Variants in SPTLC3 observed in about 807,000 individuals in gnomAD.
The protein encoded by SPTLC3 is serine palmitoyltransferase 3.
A neutral mutation model predicts 59.3 loss-of-function variants in SPTLC3; 36 were observed. The observed-to-expected ratio is 0.61, with a 90% CI of 0.47 to 0.80. SPTLC3 has a LOEUF of 0.80. Ranked by LOEUF, SPTLC3 falls within the 30% of genes least tolerant of loss-of-function variation. The pLI, the probability that SPTLC3 is intolerant of heterozygous loss-of-function variation, is 0.00. For missense variants in SPTLC3, 625 were observed against 685.1 expected (o/e 0.91, Z 0.98); for synonymous variants, 257 against 240.8 (o/e 1.07, Z -0.62).
intron 5 of SPTLC3, 42 bp downstream of exon 5, chr20:13,091,249 T>C: frequency 5.6e-6 from 9 of 1,600,610 alleles, no homozygotes; most frequent in Non-Finnish European, 6.8e-6. Context: ...GTATTACTCC[T>C]AAGAACTGTA....
intron 9 of SPTLC3, among the ~76,000 whole-genome samples, chr20:13,128,906 C>T (rs1240991875): frequency 4.3e-5 from 6 of 141,060 alleles, no homozygotes; most frequent in Admixed American, 2.2e-4. Flanking sequence ...GACAGAGTTT[C>T]GCTCTTGTCA....
chr20:13,118,082 T>C (rs1990666334), intron 8 of SPTLC3, among the ~76,000 whole-genome samples: 1 of 152,092 alleles, frequency 6.6e-6, no homozygotes, highest in African/African-American at 2.4e-5. Context: ...GGGCCATATT[T>C]AACACACAGA....
chr20:13,014,104 T>C (rs1055478839), intron 1 of SPTLC3, among the ~76,000 whole-genome samples: 3 of 152,210 alleles, frequency 2.0e-5, no homozygotes, highest in African/African-American at 7.2e-5. Flanking sequence ...CTCTTTTATG[T>C]CCTAGGGACA....
At chr20:13,114,306 G>A (rs948547517) in intron 7 of SPTLC3, among the ~76,000 whole-genome samples, 9 of 152,178 alleles carry the variant, frequency 5.9e-5, no homozygotes, top group Non-Finnish European at 1.2e-4. Context: ...TTTTCATTAA[G>A]TATCATTTTA....
At chr20:13,118,251 C>T (rs1005004932) in intron 8 of SPTLC3, among the ~76,000 whole-genome samples, 1 of 151,890 alleles carries the variant, frequency 6.6e-6, no homozygotes, top group African/African-American at 2.4e-5. Flanking sequence ...TTAATCAAAA[C>T]GGTGGCAGGA....
At chr20:13,119,463 A>T (rs1423697427) in intron 8 of SPTLC3, among the ~76,000 whole-genome samples, 1 of 152,174 alleles carries the variant, frequency 6.6e-6, no homozygotes, top group Non-Finnish European at 1.5e-5. Context: ...CACAATTTCT[A>T]TTCATTTGGC....
chr20:13,153,662 T>TCCC, intron 9 of SPTLC3, among the ~76,000 whole-genome samples: 1 of 152,124 alleles, frequency 6.6e-6, no homozygotes, highest in Non-Finnish European at 1.5e-5. Context: ...CTTATCACAC[T>TCCC]CCCTTCTCTT....
chr20:13,012,049 A>C (rs1049259103), intron 1 of SPTLC3, among the ~76,000 whole-genome samples: 3 of 152,182 alleles, frequency 2.0e-5, no homozygotes, highest in African/African-American at 7.2e-5. Flanking sequence ...ACTATTATCC[A>C]CATAATTGCT....
chr20:13,161,496 G>A (rs1438332767), intron 11 of SPTLC3, among the ~76,000 whole-genome samples: 2 of 152,314 alleles, frequency 1.3e-5, no homozygotes, highest in East Asian at 3.9e-4. Context: ...CTCCTGGGGA[G>A]TGCCTACATT....
intron 9 of SPTLC3, among the ~76,000 whole-genome samples, chr20:13,148,398 C>T (rs930301766): frequency 2.6e-5 from 4 of 152,106 alleles, no homozygotes; most frequent in Admixed American, 2.0e-4. Context: ...GATAGGTACA[C>T]CCTTGATTTA....
intron 9 of SPTLC3, among the ~76,000 whole-genome samples, chr20:13,153,097 C>T (rs1057240581): frequency 1.3e-5 from 2 of 152,176 alleles, no homozygotes; most frequent in African/African-American, 4.8e-5. Context: ...AAACTTTGGG[C>T]TGATTTCTAG....
At chr20:13,071,048 G>T (rs542890148) in intron 2 of SPTLC3, among the ~76,000 whole-genome samples, 10 of 152,192 alleles carry the variant, frequency 6.6e-5, no homozygotes, top group African/African-American at 2.4e-4. Context: ...GTAATCCCAC[G>T]AATGTCCAAA....
intron 2 of SPTLC3, among the ~76,000 whole-genome samples, chr20:13,071,869 A>G (rs1372287889): frequency 5.3e-5 from 8 of 152,154 alleles, no homozygotes; most frequent in South Asian, 2.1e-4. Context: ...CCCACTTCTA[A>G]TCACACGGTG....
intron 6 of SPTLC3, among the ~76,000 whole-genome samples, chr20:13,102,327 A>G (rs2122655806): frequency 6.6e-6 from 1 of 152,298 alleles, no homozygotes; most frequent in Non-Finnish European, 1.5e-5. Flanking sequence ...AGCCATTTAC[A>G]TTCACCAACT....
intron 6 of SPTLC3, among the ~76,000 whole-genome samples, chr20:13,094,150 C>G (rs1168996358): frequency 6.6e-6 from 1 of 152,116 alleles, no homozygotes; most frequent in Admixed American, 6.5e-5. Flanking sequence ...TGGAAATTAT[C>G]AGGAAACACT....
intron 2 of SPTLC3, among the ~76,000 whole-genome samples, chr20:13,051,469 G>T (rs1229203347): frequency 6.6e-6 from 1 of 152,160 alleles, no homozygotes; most frequent in Non-Finnish European, 1.5e-5. Context: ...AAATGAGACA[G>T]ACAGCAACAC....
chr20:13,101,384 CT>C (rs1455777885), intron 6 of SPTLC3, among the ~76,000 whole-genome samples: 1 of 152,212 alleles, frequency 6.6e-6, no homozygotes, highest in African/African-American at 2.4e-5. Context: ...GCTATGGTCC[CT>C]TGTGTAAAAC....
chr20:13,144,419 G>A (rs1252107556), intron 9 of SPTLC3, among the ~76,000 whole-genome samples: 1 of 152,192 alleles, frequency 6.6e-6, no homozygotes, highest in Non-Finnish European at 1.5e-5. Context: ...AGAAATAGAT[G>A]TAGTAGCTAT....
At chr20:13,121,451 T>C (rs1312287997) in intron 8 of SPTLC3, among the ~76,000 whole-genome samples, 1 of 152,168 alleles carries the variant, frequency 6.6e-6, no homozygotes, top group Non-Finnish European at 1.5e-5. Flanking sequence ...AGATGTTTAT[T>C]CTAAGAGTCT....
Sources: allele counts gnomAD v4.1 joint callset (sites outside exome capture counted in the v4.1 genomes callset), GRCh38; gene constraint gnomAD v4.1.1; transcripts MANE v1.5; gene names NCBI Gene and HGNC (gene_info 2026-07-23, HGNC 2026-07-21).